The following GIGYF2 variants were observed in gnomAD, a reference collection of about 807,000 sequenced individuals.
GIGYF2 encodes GRB10-interacting GYF protein 2.
GIGYF2 carries 25 observed loss-of-function variants against 208.1 expected under a neutral mutation model. The observed-to-expected ratio is 0.12, with a 90% CI of 0.09 to 0.17. GIGYF2 has a LOEUF of 0.17. Ranked by LOEUF, GIGYF2 falls within the 10% of genes least tolerant of loss-of-function variation. The pLI, the probability that GIGYF2 is intolerant of heterozygous loss-of-function variation, is 1.00. For missense variants in GIGYF2, 1,302 were observed against 1,579.4 expected (o/e 0.82, Z 2.98); for synonymous variants, 534 against 543.8 (o/e 0.98, Z 0.25).
rs146336833 is a variant in GIGYF2, at chr2:232,762,685, T to C, written c.532+1249T>C. Among the ~76,000 whole-genome samples the C allele has an allele frequency of 1.9e-3, 293 of 152,270 alleles. 1 individual carries two copies. Among genetic ancestry groups the C allele is most frequent in the African/African-American group, 6.8e-3 (282 of 41,550 alleles). On this transcript the variant is annotated intron_variant, in intron 8 of 28. Coordinates refer to ENST00000373563, the MANE Select transcript of GIGYF2 (RefSeq NM_001103146.3). ...TGTTTCTGTTAAAAACTTAAAGATA[T>C]CAATAATTAAAATTTCTCATTTATG...
In GIGYF2 at chr2:232,845,749, C is replaced by A; in HGVS notation, c.3323C>A (p.Ser1108Tyr). ...NASLSKSVGV[S>Y]NRQNKKVEEE... The stretch of plus-strand genomic sequence containing the variant: ...TGCTTTAGTAAATCTGTAGGTGTGT[C>A]TAACCGGCAGAATAAGAAAGTAGAA... The change falls in exon 26 of 29, where the codon TCT becomes TAT. Residue 1108 changes from serine (S) to tyrosine (Y), a missense_variant. Physicochemically the swap from Ser to Tyr is moderately radical, Grantham distance 144. Around this residue, in one of 8 missense-constraint regions of GIGYF2, gnomAD observed 701 missense variants for 793.0 expected, o/e 0.88. Transcript: ENST00000373563. 1 of 1,604,244 alleles carries A rather than the reference C, an allele frequency of 6.2e-7. No homozygotes were observed.
intron 8 of GIGYF2, chr2:232,768,601 G>A: frequency 6.2e-7 from 1 of 1,614,128 alleles, no homozygotes; most frequent in Non-Finnish European, 8.5e-7. Context: ...CCATCAAGGT[G>A]GAAATCCACA....
At chr2:232,710,322 C>G (rs1175449321) in intron 2 of GIGYF2, among the ~76,000 whole-genome samples, 2 of 152,134 alleles carry the variant, frequency 1.3e-5, no homozygotes, top group Non-Finnish European at 2.9e-5. Flanking sequence ...CTCCTAGCCT[C>G]AAGCAATCCT....
At chr2:232,823,549 C>T (rs1701162614) in intron 21 of GIGYF2, among the ~76,000 whole-genome samples, 1 of 151,842 alleles carries the variant, frequency 6.6e-6, no homozygotes, top group Non-Finnish European at 1.5e-5. Context: ...GATATGGGGT[C>T]TTGCTGTGTT....
intron 21 of GIGYF2, among the ~76,000 whole-genome samples, chr2:232,821,815 C>T (rs1234755670): frequency 6.6e-6 from 1 of 151,802 alleles, no homozygotes; most frequent in African/African-American, 2.4e-5. Flanking sequence ...TTTCGTTTTA[C>T]AAATAGTTTG....
At chr2:232,767,777 A>G (rs1699036470) in intron 8 of GIGYF2, 2 of 227,172 alleles carry the variant, frequency 8.8e-6, no homozygotes, top group Non-Finnish European at 1.8e-5. Context: ...TGAAGTCGTC[A>G]TTCCACCCAG....
At chr2:232,720,993 G>A (rs1416323433) in intron 2 of GIGYF2, among the ~76,000 whole-genome samples, 1 of 152,172 alleles carries the variant, frequency 6.6e-6, no homozygotes, top group Non-Finnish European at 1.5e-5. Context: ...GAGAGAAAAG[G>A]CCAGAGGAGG....
In GIGYF2 at chr2:232,836,327, T is replaced by A. The variant is rs7582771; in HGVS notation, c.2766+3234T>A. Among the ~76,000 whole-genome samples the A allele has an allele frequency of 3.8e-3, 70 of 18,266 alleles. 18 individuals are homozygous for A. Among genetic ancestry groups the A allele is most frequent in the African/African-American group, 0.013 (60 of 4,686 alleles). The allele number at this position is 18,266 out of a possible 152,430, so 12.0% of individuals were successfully genotyped here. ...ATATATATATATATATATATATATA[T>A]ATACATATATATACTTATATATTTA... is the stretch of plus-strand genomic sequence containing the variant. On this transcript the variant is annotated intron_variant, in intron 22 of 28. Coordinates refer to ENST00000373563, the MANE Select transcript of GIGYF2 (RefSeq NM_001103146.3).
Position 232,856,629 on chromosome 2 carries a change from T to A in GIGYF2, c.3833-164T>A, listed in dbSNP as rs112308026. On this transcript the variant is annotated intron_variant, in intron 28 of 28. Transcript: ENST00000373563. ...ATCTCTTGAACCCAGGAGGTGGAGC[T>A]TGCTGTGAGCCGAGATCACGCCACT... Among the ~76,000 whole-genome samples the A allele has an allele frequency of 2.7e-3, 409 of 152,200 alleles. 1 individual carries two copies. The highest frequency in any genetic ancestry group is 9.2e-3 in the African/African-American group (383 of 41,534).
chr2:232,849,041 G>T (rs900834996), intron 27 of GIGYF2, among the ~76,000 whole-genome samples: 7 of 152,164 alleles, frequency 4.6e-5, no homozygotes, highest in African/African-American at 7.2e-5. Context: ...TTCATTATGG[G>T]TCACTTACGA....
intron 3 of GIGYF2, among the ~76,000 whole-genome samples, chr2:232,743,615 A>G (rs1314260648): frequency 6.6e-6 from 1 of 152,070 alleles, no homozygotes; most frequent in Non-Finnish European, 1.5e-5. Flanking sequence ...CTTTGTGTTC[A>G]TGAGTTCTCA....
At chr2:232,839,371 A>G (rs1203750716) in intron 22 of GIGYF2, among the ~76,000 whole-genome samples, 1 of 152,224 alleles carries the variant, frequency 6.6e-6, no homozygotes, top group Non-Finnish European at 1.5e-5. Context: ...CTGATCAAGA[A>G]CTATGCCAGC....
chr2:232,768,518 A>C, intron 8 of GIGYF2: 1 of 1,614,136 alleles, frequency 6.2e-7, no homozygotes, highest in Non-Finnish European at 8.5e-7. Context: ...GAGTAGCCAG[A>C]GGACTTGATG....
rs184616947 is a variant in GIGYF2 at position 232,808,591 on chromosome 2, G to A, written c.1807-1129G>A. Among the ~76,000 whole-genome samples, 210 of 152,190 alleles carry A rather than the reference G, an allele frequency of 1.4e-3. 1 individual carries two copies. The highest frequency in any genetic ancestry group is 4.7e-3 in the Admixed American group (72 of 15,284). On this transcript the variant is annotated intron_variant, in intron 15 of 28. Coordinates refer to ENST00000373563, the MANE Select transcript of GIGYF2 (RefSeq NM_001103146.3). ...TCCAGTATCGAAAAGCAAGAAAAAC[G>A]TCTCTGAATTTCAGGTAATCCCTAC...
intron 22 of GIGYF2, among the ~76,000 whole-genome samples, chr2:232,838,836 G>A (rs1574943114): frequency 6.6e-6 from 1 of 151,762 alleles, no homozygotes; most frequent in East Asian, 1.9e-4. Context: ...CAGGGCAGGT[G>A]CATTTTGAGA....
At chr2:232,855,244 G>A (rs1574959572) in intron 28 of GIGYF2, among the ~76,000 whole-genome samples, 1 of 151,920 alleles carries the variant, frequency 6.6e-6, no homozygotes, top group African/African-American at 2.4e-5. Flanking sequence ...GCAGCGCCAC[G>A]CCCAGCTAAT....
chr2:232,817,960 G>T (rs1292738389), intron 20 of GIGYF2, among the ~76,000 whole-genome samples: 1 of 152,184 alleles, frequency 6.6e-6, no homozygotes, highest in African/African-American at 2.4e-5. Context: ...TCCCACAGCT[G>T]CTGCACCACT....
At chr2:232,774,130 AAAAG>A (rs1420494184) in intron 8 of GIGYF2, among the ~76,000 whole-genome samples, 4 of 151,970 alleles carry the variant, frequency 2.6e-5, no homozygotes, top group Admixed American at 6.6e-5. Context: ...AGAAAAAAAA[AAAAG>A]AAAGAAAATG....
rs907567632 is a variant in GIGYF2, at chr2:232,788,946, C to T, written c.712+1617C>T. Among the ~76,000 whole-genome samples, 5 of 151,958 alleles carry T rather than the reference C, an allele frequency of 3.3e-5. No individual in the cohort carries two copies. The South Asian group carries it at 1.0e-3, about 32-fold the overall frequency. On this transcript the variant is annotated intron_variant, in intron 9 of 28. Transcript: ENST00000373563. ...TGTAAATGCATTTTAAAAAAGAATA[C>T]GATTCACTTTTTAAACCCAGTATAT...
Sources: gnomAD v4.1 joint callset for allele counts (sites outside exome capture counted in the v4.1 genomes callset) on GRCh38, gnomAD v4.1.1 for gene constraint, gnomAD v4.1.1 regional missense constraint, MANE v1.5 for transcripts, NCBI Gene and HGNC (gene_info 2026-07-23, HGNC 2026-07-21) for gene names.